The following ZEB2 variants were observed in gnomAD, a reference collection of about 807,000 sequenced individuals.
ZEB2 encodes zinc finger E-box binding homeobox 2, also known as zinc finger E-box-binding homeobox 2.
In ZEB2, 6 loss-of-function variants were observed where a neutral mutation model predicts 99.9. The ratio of observed to expected loss-of-function variants is 0.06; its 90% CI spans 0.03 to 0.12. The LOEUF (loss-of-function observed/expected upper bound fraction) is 0.12, where lower values mean the gene tolerates loss of function less well. Among genes scored for constraint, ZEB2 ranks in the 10% least tolerant of loss-of-function variants. The pLI, the probability that ZEB2 is intolerant of heterozygous loss-of-function variation, is 1.00. For missense variants in ZEB2, 969 were observed against 1,502.8 expected, an observed-to-expected ratio of 0.64 and a Z score of 5.87; for synonymous variants, 517 against 542.5, an observed-to-expected ratio of 0.95 and a Z score of 0.65.
chr2:144,496,556 T>C (rs1458103996), intron 2 of ZEB2: 1 of 152,208 alleles, frequency 6.6e-6, no homozygotes, highest in African/African-American at 2.4e-5. Context: ...TGGGTTTTCT[T>C]TTCCAAATGT....
intron 2 of ZEB2, chr2:144,430,985 C>T (rs536684036): frequency 1.3e-5 from 2 of 152,240 alleles, no homozygotes; most frequent in South Asian, 2.1e-4. Context: ...ACACACCAGC[C>T]GTTACGCACA....
intron 4 of ZEB2, among the ~76,000 whole-genome samples, chr2:144,414,943 A>AGT (rs1293359284): frequency 9.1e-5 from 4 of 44,174 alleles, no homozygotes; most frequent in Non-Finnish European, 2.0e-4. Flanking sequence ...CCCACTTCAG[A>AGT]GTGTATGTGT....
At chr2:144,421,708 C>T (rs769434164) in intron 4 of ZEB2, among the ~76,000 whole-genome samples, 8 of 150,998 alleles carry the variant, frequency 5.3e-5, no homozygotes, top group Non-Finnish European at 1.0e-4. Context: ...TCCCCACCCA[C>T]CAGGAGCCCT....
At chr2:144,509,317 G>A (rs544267594) in intron 2 of ZEB2, among the ~76,000 whole-genome samples, 1 of 152,280 alleles carries the variant, frequency 6.6e-6, no homozygotes, top group South Asian at 2.1e-4. Flanking sequence ...GTGTCCAAAG[G>A]TGTTTACTGA....
intron 2 of ZEB2, among the ~76,000 whole-genome samples, chr2:144,507,881 C>T (rs554462132): frequency 6.6e-6 from 1 of 152,272 alleles, no homozygotes; most frequent in East Asian, 1.9e-4. Flanking sequence ...AGATTTCTAG[C>T]AAATGATATG....
intron 4 of ZEB2, among the ~76,000 whole-genome samples, chr2:144,411,453 T>A (rs1000041896): frequency 6.6e-6 from 1 of 152,186 alleles, no homozygotes; most frequent in Admixed American, 6.5e-5. Context: ...GACTAATTAA[T>A]AAATGTAAGC....
rs1703104025 is a variant in ZEB2 at position 144,387,692 on chromosome 2, G to T, written c.*1759C>A. On this transcript the variant is annotated 3_prime_UTR_variant, in exon 10 of 10. Transcript: ENST00000627532. Reference sequence around the variant, plus strand: ...AAATCACAAAGACCCCTTGGACAGAGAAGTGAATTTTTAACACATAATCTC... The same window carrying T: ...AAATCACAAAGACCCCTTGGACAGATAAGTGAATTTTTAACACATAATCTC... The T allele has an allele frequency of 6.6e-6, 1 of 152,066 alleles. No homozygotes were observed. Among genetic ancestry groups the T allele is most frequent in the South Asian group, 2.1e-4 (1 of 4,834 alleles). The allele number at this position is 152,066 out of a possible 1,614,324, so 9.4% of individuals were successfully genotyped here. A position where few individuals can be genotyped will look rare whatever the true frequency, so the allele number is the denominator to read the frequency against.
intron 9 of ZEB2, 129 bp downstream of exon 9, chr2:144,396,283 G>T: frequency 8.1e-7 from 1 of 1,239,780 alleles, no homozygotes; most frequent in Non-Finnish European, 1.2e-6. Context: ...CTCGGCAAAA[G>T]CATTATTTCT....
chr2:144,499,935 T>C (rs1704845606), intron 2 of ZEB2, among the ~76,000 whole-genome samples: 1 of 152,216 alleles, frequency 6.6e-6, no homozygotes, highest in Non-Finnish European at 1.5e-5. Context: ...GTGCCATCTA[T>C]GGCAGCATTT....
chr2:144,500,774 A>C (rs1297984182), intron 2 of ZEB2, among the ~76,000 whole-genome samples: 1 of 152,176 alleles, frequency 6.6e-6, no homozygotes, highest in Admixed American at 6.5e-5. Context: ...GCAAGTCTGA[A>C]GCTTGCACAA....
At chr2:144,462,497 A>C (rs1704208546) in intron 2 of ZEB2, 1 of 152,204 alleles carries the variant, frequency 6.6e-6, no homozygotes, top group African/African-American at 2.4e-5. Context: ...AGTGCCACTC[A>C]CGGGTACTTA....
intron 4 of ZEB2, among the ~76,000 whole-genome samples, chr2:144,421,527 C>T (rs1703618066): frequency 6.6e-6 from 1 of 152,186 alleles, no homozygotes; most frequent in African/African-American, 2.4e-5. Flanking sequence ...TTCTAATTAA[C>T]TAAGTCCAGT....
At chr2:144,512,881 T>C (rs1326900094) in intron 2 of ZEB2, 5 of 1,287,120 alleles carry the variant, frequency 3.9e-6, no homozygotes, top group South Asian at 1.2e-5. Context: ...CCCTCAGAAC[T>C]GGTACCTGCC....
chr2:144,435,926 T>A (rs1040608866), intron 2 of ZEB2, among the ~76,000 whole-genome samples: 7 of 125,504 alleles, frequency 5.6e-5, no homozygotes, highest in Non-Finnish European at 7.4e-5. Flanking sequence ...TATCATTGAC[T>A]TTTTTTTTTT....
intron 3 of ZEB2, chr2:144,429,306 A>G (rs73962012): frequency 3.3e-4 from 61 of 182,604 alleles, no homozygotes; most frequent in African/African-American, 1.4e-3. Flanking sequence ...TTGAATTCCA[A>G]TAGGAGGTGT....
chr2:144,511,772 C>A, intron 2 of ZEB2: 1 of 1,285,838 alleles, frequency 7.8e-7, no homozygotes, highest in Non-Finnish European at 1.0e-6. Flanking sequence ...AATTACATTT[C>A]ATCTTCTGAT....
intron 3 of ZEB2, chr2:144,426,915 G>A (rs1424589767): frequency 6.6e-6 from 1 of 152,140 alleles, no homozygotes; most frequent in East Asian, 1.9e-4. Flanking sequence ...AGTTTCAAGT[G>A]AATCCATATT....
intron 4 of ZEB2, among the ~76,000 whole-genome samples, chr2:144,418,018 T>C (rs1703563485): frequency 6.6e-6 from 1 of 152,198 alleles, no homozygotes; most frequent in Non-Finnish European, 1.5e-5. Flanking sequence ...GAGTCAGTTG[T>C]CAAAGAAAGG....
At position 144,399,833 on chromosome 2, in the gene ZEB2, T is replaced by A; in HGVS notation, c.1354A>T (p.Thr452Ser). 6.2e-7 allele frequency: 1 copy of A among 1,614,184 alleles called. No homozygotes were observed. ...ACCTCACTTAAATTACTATTCATGG[T>A]GGGAAACCCAAGTAAAGGGGCTTCC... is the stretch of plus-strand genomic sequence containing the variant. The part of the protein sequence containing the change: ...GMEAPLLGFP[T>S]MNSNLSEVQK... Residue 452 changes from threonine (T) to serine (S), a missense_variant, in exon 8 of 10, where the codon ACC (threonine) becomes TCC (serine). Transcript: ENST00000627532. The surrounding 1 kb of genome is among the most constrained non-coding windows in gnomAD (Gnocchi z 5.6).
Sources: allele counts gnomAD v4.1 joint callset (sites outside exome capture counted in the v4.1 genomes callset), GRCh38; gene constraint gnomAD v4.1.1; non-coding constraint Gnocchi (gnomAD v3.1); transcripts MANE v1.5; gene names NCBI Gene and HGNC (gene_info 2026-07-23, HGNC 2026-07-21).